PIK3R6: variants seen among roughly 807,000 people sequenced by gnomAD.
PIK3R6 encodes phosphoinositide-3-kinase regulatory subunit 6, also known as phosphoinositide 3-kinase regulatory subunit 6.
Under a neutral mutation model 84.9 loss-of-function variants are expected in PIK3R6, and 91 were observed. That is an observed-to-expected ratio of 1.07 (90% CI 0.90 to 1.28). The LOEUF (loss-of-function observed/expected upper bound fraction) is 1.28. PIK3R6 is among the 50% of genes most tolerant of loss of function. The probability of loss-of-function intolerance (pLI) is 0.00; values close to 1 mark genes in which losing one functional copy is unlikely to be tolerated. For missense variants in PIK3R6, 996 were observed against 985.1 expected, an observed-to-expected ratio of 1.01 and a Z score of -0.15; for synonymous variants, 416 against 411.4, an observed-to-expected ratio of 1.01 and a Z score of -0.13.
chr17:8,827,741 G>GGGAGAGAGAGAGAGAGAGAGA (rs1257061350), intron 12 of PIK3R6, among the ~76,000 whole-genome samples: 4 of 113,272 alleles, frequency 3.5e-5, no homozygotes, highest in South Asian at 3.0e-4. Context: ...GGGAGGGAAG[G>GGGAGAGAGAGAGAGAGAGAGA]GGAGAGAGAG....
intron 1 of PIK3R6, among the ~76,000 whole-genome samples, chr17:8,860,092 G>A (rs1039890935): frequency 4.6e-5 from 7 of 152,164 alleles, no homozygotes; most frequent in African/African-American, 1.7e-4. Flanking sequence ...AAAACCATGC[G>A]TATGGTAAAA....
At chr17:8,836,647 C>A (rs760502929) in intron 6 of PIK3R6, 31 bp from the exon 7 acceptor site, 12 of 1,613,688 alleles carry the variant, frequency 7.4e-6, no homozygotes, top group Non-Finnish European at 9.3e-6. Context: ...GCCAAACAGC[C>A]CCCAAGTCTC....
At chr17:8,831,354 A>AAAAAG in intron 9 of PIK3R6, among the ~76,000 whole-genome samples, 1 of 146,070 alleles carries the variant, frequency 6.8e-6, no homozygotes, top group African/African-American at 2.5e-5. Context: ...AAAAAAAAAA[A>AAAAAG]GGCACAGGGC....
chr17:8,816,239 G>A (rs2087535991), intron 18 of PIK3R6, among the ~76,000 whole-genome samples: 1 of 152,088 alleles, frequency 6.6e-6, no homozygotes, highest in Admixed American at 6.5e-5. Context: ...AAACCACAAG[G>A]AAGGAACAGC....
At chr17:8,861,172 ACT>A (rs1215750843) in intron 1 of PIK3R6, among the ~76,000 whole-genome samples, 1 of 137,966 alleles carries the variant, frequency 7.2e-6, no homozygotes, top group East Asian at 2.0e-4. Context: ...ACAGAGTGAG[ACT>A]CTGTCTCAAA....
intron 2 of PIK3R6, among the ~76,000 whole-genome samples, chr17:8,847,985 A>G (rs928894715): frequency 3.3e-5 from 5 of 152,120 alleles, no homozygotes; most frequent in Non-Finnish European, 7.4e-5. Flanking sequence ...ACTGTGACCC[A>G]GGTGCCTACT....
chr17:8,821,751 G>T, intron 17 of PIK3R6, 95 bp downstream of exon 17: 1 of 1,335,432 alleles, frequency 7.5e-7, no homozygotes. Flanking sequence ...CCGTGACTGA[G>T]AGGGCTCCCC....
chr17:8,837,929 C>T, intron 4 of PIK3R6, 58 bp from the exon 5 acceptor site: 3 of 1,482,716 alleles, frequency 2.0e-6, no homozygotes, highest in South Asian at 1.1e-5. Context: ...CACTTCATAG[C>T]GGGAGGCAGT....
intron 10 of PIK3R6, among the ~76,000 whole-genome samples, chr17:8,829,265 AGACACACT>A (rs955745009): frequency 4.5e-4 from 67 of 149,538 alleles, no homozygotes; most frequent in African/African-American, 1.5e-3. Context: ...ATACACACAC[AGACACACT>A]GACACACACA....
intron 18 of PIK3R6, among the ~76,000 whole-genome samples, chr17:8,804,426 G>T (rs1242046117): frequency 6.6e-6 from 1 of 152,154 alleles, no homozygotes; most frequent in South Asian, 2.1e-4. Context: ...TGCTTGCCAG[G>T]TTGTCAAGTT....
At chr17:8,815,877 C>A (rs150554167) in intron 18 of PIK3R6, among the ~76,000 whole-genome samples, 121 of 152,310 alleles carry the variant, frequency 7.9e-4, no homozygotes, top group Middle Eastern at 3.4e-3. Flanking sequence ...TATCTACAAG[C>A]CCATCCAGAT....
chr17:8,809,061 T>C, intron 18 of PIK3R6, among the ~76,000 whole-genome samples: 1 of 152,168 alleles, frequency 6.6e-6, no homozygotes, highest in East Asian at 1.9e-4. Flanking sequence ...ACATATTTTG[T>C]CTAATTGCCT....
At chr17:8,817,641 GAA>G (rs201662121) in intron 18 of PIK3R6, among the ~76,000 whole-genome samples, 2 of 149,586 alleles carry the variant, frequency 1.3e-5, no homozygotes, top group African/African-American at 4.9e-5. Context: ...ACTCCGTCTC[GAA>G]AAAAAACAAA....
chr17:8,827,218 C>G lies in PIK3R6; in HGVS notation c.1469G>C (p.Ser490Thr), dbSNP rs755110115. 1.4e-5 allele frequency: 23 copies of G among 1,609,550 alleles called. No homozygotes were observed. Among genetic ancestry groups the G allele is most frequent in the Non-Finnish European group, 2.0e-5 (23 of 1,178,170 alleles). The part of the protein sequence containing the change: ...FLGRVDPWYQ[S>T]NVNTLCPAIH... ...GGCGGGGCACAGCGTGTTGACGTTG[C>G]TCTGGTACCACGGGTCTACGCGGCC... The change falls in exon 13 of 20, where the codon AGC becomes ACC. Residue 490 changes from serine to threonine, a missense_variant. Coordinates refer to ENST00000619866, the MANE Select transcript of PIK3R6 (RefSeq NM_001010855.4).
rs73973233 is a variant in PIK3R6 at position 8,836,372 on chromosome 17, G to A, written c.461+175C>T. On this transcript the variant is annotated intron_variant, in intron 7 of 19. Transcript: ENST00000619866. ...TCAGTGGTCTCCAGAAAACAATATG[G>A]CGCCAACCTTGAATGGCAAACGCAC... is the stretch of plus-strand genomic sequence containing the variant. 9.0e-3 allele frequency among the ~76,000 whole-genome samples: 1,376 copies of A among 152,244 alleles called. 23 individuals carry two copies. The highest frequency in any genetic ancestry group is 0.031 in the African/African-American group (1,306 of 41,532).
chr17:8,831,924 G>T (rs2088255109), intron 9 of PIK3R6, among the ~76,000 whole-genome samples: 1 of 152,208 alleles, frequency 6.6e-6, no homozygotes, highest in Non-Finnish European at 1.5e-5. Flanking sequence ...GTCAGGGTAG[G>T]CATTATCTTA....
At chr17:8,840,666 A>AATAT (rs964575764) in intron 2 of PIK3R6, among the ~76,000 whole-genome samples, 9 of 147,408 alleles carry the variant, frequency 6.1e-5, no homozygotes, top group African/African-American at 2.0e-4. Flanking sequence ...ATATATATGA[A>AATAT]ATATATATAT....
intron 10 of PIK3R6, 109 bp from the exon 11 acceptor site, chr17:8,829,099 A>C (rs1490304785): frequency 1.2e-5 from 12 of 1,016,672 alleles, no homozygotes; most frequent in Non-Finnish European, 1.7e-5. Context: ...ACACAGACAG[A>C]CACATAAAGA....
At chr17:8,818,474 C>T (rs1396672922) in intron 18 of PIK3R6, among the ~76,000 whole-genome samples, 1 of 152,138 alleles carries the variant, frequency 6.6e-6, no homozygotes, top group Non-Finnish European at 1.5e-5. Flanking sequence ...CATGACGAAA[C>T]CCTGTCTCTA....
Sources: gnomAD v4.1 joint callset for allele counts (sites outside exome capture counted in the v4.1 genomes callset) on GRCh38, gnomAD v4.1.1 for gene constraint, MANE v1.5 for transcripts, NCBI Gene and HGNC (gene_info 2026-07-23, HGNC 2026-07-21) for gene names.